The following COL4A1 variants were observed in gnomAD, a reference collection of about 807,000 sequenced individuals.
COL4A1 encodes collagen alpha-1(IV) chain.
In COL4A1, 40 loss-of-function variants were observed where a neutral mutation model predicts 216.6. That is an observed-to-expected ratio of 0.18 (90% CI 0.14 to 0.24). The LOEUF is 0.24. Ranked by LOEUF, COL4A1 falls within the 10% of genes least tolerant of loss-of-function variation. The pLI is 1.00. For synonymous variants in COL4A1, 839 were observed against 810.7 expected (o/e 1.03, Z -0.59); for missense variants, 1,628 against 2,196.8 (o/e 0.74, Z 5.18).
Position 110,179,371 on chromosome 13 carries a change from G to A in COL4A1, c.2244C>T (p.Pro748=), listed in dbSNP as rs755340790. Residue 748 remains proline (P), a synonymous_variant, in exon 30 of 52, where the codon CCC becomes CCT. Coordinates refer to ENST00000375820, the MANE Select transcript of COL4A1 (RefSeq NM_001845.6). ...LPGLKGLPGL[P]GIPGTPGEKG... ...TCTCCCCGGGTGTGCCAGGAATGCC[G>A]GGAAGACCTGGCAAACCTTTGAGTC... is the stretch of plus-strand genomic sequence containing the variant. 3.3e-5 allele frequency: 53 copies of A among 1,613,962 alleles called. No homozygotes were observed. The East Asian group carries it at 4.0e-4, about 12-fold the overall frequency.
chr13:110,211,495 T>C lies in COL4A1; in HGVS notation c.468+152A>G, dbSNP rs1030834179. ...CTGAGATCTGAGTTTGTGGGTTACT[T>C]GTACAGTCTTTTCATGTAACAGAGT... On this transcript the variant is annotated intron_variant, in intron 8 of 51. Transcript: ENST00000375820. This position sits in a 1 kb window ranked among gnomAD's most constrained non-coding sequence, Gnocchi z 4.3. 6.3e-6 allele frequency: 4 copies of C among 638,062 alleles called. No individual in the cohort carries two copies. The African/African-American group carries it at 7.5e-5, about 12-fold the overall frequency. 39.5% of individuals were successfully genotyped at this position (638,062 alleles called of 1,614,324 possible).
At chr13:110,285,406 G>C (rs1320654644) in intron 1 of COL4A1, among the ~76,000 whole-genome samples, 1 of 152,184 alleles carries the variant, frequency 6.6e-6, no homozygotes, top group Non-Finnish European at 1.5e-5. Context: ...ACACATTTAG[G>C]AACAGCAGCC....
In COL4A1 at chr13:110,207,553, C is replaced by T. The variant is rs1879574641; in HGVS notation, c.694-64G>A. 3 of 1,329,856 alleles carry T rather than the reference C, an allele frequency of 2.3e-6. No homozygotes were observed. The highest frequency in any genetic ancestry group is 2.4e-5 in the South Asian group (2 of 84,460). The allele number at this position is 1,329,856 out of a possible 1,614,324, so 82.4% of individuals were successfully genotyped here. ...ACAATTATGCAGACATGAAAAATTG[C>T]AGAGAGAGGTAAAAGCCTAAAATAA... On this transcript the variant is annotated intron_variant, in intron 12 of 51. Coordinates refer to ENST00000375820, the MANE Select transcript of COL4A1 (RefSeq NM_001845.6). The surrounding 1 kb of genome is among the most constrained non-coding windows in gnomAD (Gnocchi z 4.4).
At chr13:110,218,911 A>T (rs1445319111) in intron 2 of COL4A1, among the ~76,000 whole-genome samples, 1 of 152,224 alleles carries the variant, frequency 6.6e-6, no homozygotes. Context: ...GTGAAAGGGA[A>T]ATGATGTCAA....
chr13:110,295,312 G>A (rs1884231494), intron 1 of COL4A1, among the ~76,000 whole-genome samples: 1 of 145,256 alleles, frequency 6.9e-6, no homozygotes, highest in Non-Finnish European at 1.5e-5. Context: ...ATAAAGGAAT[G>A]GGCTGATTTT....
chr13:110,263,815 T>G (rs889618734), intron 1 of COL4A1, among the ~76,000 whole-genome samples: 3 of 152,178 alleles, frequency 2.0e-5, no homozygotes, highest in Non-Finnish European at 4.4e-5. Flanking sequence ...CAAATAAACT[T>G]TAAAGAAATG....
At chr13:110,236,510 A>G (rs1443291933) in intron 2 of COL4A1, among the ~76,000 whole-genome samples, 1 of 152,206 alleles carries the variant, frequency 6.6e-6, no homozygotes, top group African/African-American at 2.4e-5. Context: ...GTAGCCTGTG[A>G]AAAGGGAAAA....
chr13:110,149,912 AT>A lies in COL4A1; in HGVS notation c.*450del. The A allele has an allele frequency of 4.2e-6, 1 of 239,404 alleles. No individual in the cohort carries two copies. The allele number at this position is 239,404 out of a possible 1,614,324, so 14.8% of individuals were successfully genotyped here. On this transcript the variant is annotated 3_prime_UTR_variant, in exon 52 of 52. Coordinates refer to ENST00000375820, the MANE Select transcript of COL4A1 (RefSeq NM_001845.6). The stretch of plus-strand genomic sequence containing the variant: ...AAAAAACCATTTTTACATTGCTATT[AT>A]TTGTACAGACCAAGGGACCTAAATT...
chr13:110,182,830 T>C (rs2139169268), intron 28 of COL4A1, among the ~76,000 whole-genome samples, 163 bp downstream of exon 28: 1 of 152,384 alleles, frequency 6.6e-6, no homozygotes, highest in South Asian at 2.1e-4. Flanking sequence ...AGCTATTGCC[T>C]AGAAGCTCCT....
intron 43 of COL4A1, among the ~76,000 whole-genome samples, chr13:110,167,924 T>G (rs931848412): frequency 5.9e-5 from 9 of 152,202 alleles, no homozygotes; most frequent in African/African-American, 2.2e-4. Context: ...AATATATATG[T>G]ATATAAACAT....
intron 48 of COL4A1, among the ~76,000 whole-genome samples, chr13:110,161,786 T>C (rs749655693): frequency 6.6e-6 from 1 of 152,232 alleles, no homozygotes; most frequent in Non-Finnish European, 1.5e-5. Flanking sequence ...AGGACAGATA[T>C]GTAGCTTTCT....
At chr13:110,206,751 C>T (rs1566374165) in intron 14 of COL4A1, 36 bp from the exon 15 acceptor site, 1 of 1,611,898 alleles carries the variant, frequency 6.2e-7, no homozygotes. Flanking sequence ...ATTTATTCGT[C>T]TATTTAAGCA....
At chr13:110,260,237 A>AT (rs1882760073) in intron 1 of COL4A1, among the ~76,000 whole-genome samples, 1 of 152,218 alleles carries the variant, frequency 6.6e-6, no homozygotes, top group African/African-American at 2.4e-5. Context: ...CACATCTTAC[A>AT]TGGCGGCAGG....
intron 2 of COL4A1, among the ~76,000 whole-genome samples, chr13:110,235,203 C>A (rs974718990): frequency 5.3e-5 from 8 of 151,978 alleles, no homozygotes; most frequent in Non-Finnish European, 8.8e-5. Flanking sequence ...ATGAACTTAT[C>A]CAAAGTTTCA....
chr13:110,158,963 G>A (rs570186452), intron 49 of COL4A1, among the ~76,000 whole-genome samples: 2 of 152,164 alleles, frequency 1.3e-5, no homozygotes, highest in Admixed American at 6.5e-5. Flanking sequence ...GGCTGGTCTC[G>A]AACTCCTGAC....
At chr13:110,237,302 C>A (rs1207398106) in intron 2 of COL4A1, among the ~76,000 whole-genome samples, 3 of 152,154 alleles carry the variant, frequency 2.0e-5, no homozygotes, top group African/African-American at 7.2e-5. Flanking sequence ...CTGGTTAGTG[C>A]CTGAATCCTG....
chr13:110,249,905 G>A (rs1323950250), intron 1 of COL4A1, among the ~76,000 whole-genome samples: 4 of 152,030 alleles, frequency 2.6e-5, no homozygotes. Context: ...GGTTTTAAAG[G>A]TAAAATTAAC....
chr13:110,289,572 G>A (rs1327133076), intron 1 of COL4A1, among the ~76,000 whole-genome samples: 1 of 152,202 alleles, frequency 6.6e-6, no homozygotes, highest in Non-Finnish European at 1.5e-5. Flanking sequence ...CCAAGACAAC[G>A]GATGAGATAC....
chr13:110,232,674 T>C (rs1205217266), intron 2 of COL4A1, among the ~76,000 whole-genome samples: 1 of 152,214 alleles, frequency 6.6e-6, no homozygotes, highest in Non-Finnish European at 1.5e-5. Context: ...CTGCCGGTGC[T>C]GGGCCACACC....
Sources: gnomAD v4.1 joint callset for allele counts (sites outside exome capture counted in the v4.1 genomes callset) on GRCh38, gnomAD v4.1.1 for gene constraint, Gnocchi (gnomAD v3.1) non-coding constraint, MANE v1.5 for transcripts, NCBI Gene and HGNC (gene_info 2026-07-23, HGNC 2026-07-21) for gene names.